NRG3: variants seen among roughly 807,000 people sequenced by gnomAD.
NRG3 encodes neuregulin 3.
In NRG3, 31 loss-of-function variants were observed where a neutral mutation model predicts 66.9. The ratio of observed to expected loss-of-function variants is 0.46; its 90% confidence interval spans 0.35 to 0.63. NRG3 has a LOEUF of 0.63. NRG3 is among the 20% of genes least tolerant of loss of function. The pLI is 0.00. For missense variants in NRG3, 910 were observed against 878.9 expected (o/e 1.04, Z -0.45); for synonymous variants, 393 against 359.4 (o/e 1.09, Z -1.06).
intron 2 of NRG3, among the ~76,000 whole-genome samples, chr10:82,575,895 A>G (rs1387190434): frequency 2.0e-5 from 3 of 151,704 alleles, no homozygotes; most frequent in Non-Finnish European, 3.0e-5. Flanking sequence ...GTGAAGCTTC[A>G]TAAGTGTTTG....
chr10:81,877,491 G>T (rs994023300), intron 1 of NRG3, among the ~76,000 whole-genome samples: 4 of 152,166 alleles, frequency 2.6e-5, no homozygotes, highest in Admixed American at 2.6e-4. Context: ...GGAATACTGG[G>T]TTTGCTTTCA....
chr10:81,878,586 G>A (rs1841894890), intron 1 of NRG3, among the ~76,000 whole-genome samples: 1 of 152,086 alleles, frequency 6.6e-6, no homozygotes, highest in Admixed American at 6.5e-5. Flanking sequence ...TGAATCACTG[G>A]TGTTCATATT....
chr10:82,109,084 A>G (rs2067226897), intron 1 of NRG3, among the ~76,000 whole-genome samples: 1 of 152,138 alleles, frequency 6.6e-6, no homozygotes, highest in African/African-American at 2.4e-5. Context: ...CACAGATGGG[A>G]TTGATGCACA....
intron 4 of NRG3, among the ~76,000 whole-genome samples, chr10:82,927,718 C>T (rs577214836): frequency 6.6e-6 from 1 of 152,274 alleles, no homozygotes; most frequent in Non-Finnish European, 1.5e-5. Context: ...GTATATGTGC[C>T]ACATTTTCTT....
At position 82,236,710 on chromosome 10, in the gene NRG3, C is replaced by CTTTT. The variant is rs370359467; in HGVS notation, c.824-122009_824-122006dup. 1.6e-3 allele frequency among the ~76,000 whole-genome samples: 153 copies of CTTTT among 93,512 alleles called. 2 individuals are homozygous for CTTTT. Among genetic ancestry groups the CTTTT allele is most frequent in the African/African-American group, 2.6e-3 (60 of 23,274 alleles). The allele number at this position is 93,512 out of a possible 152,430, so 61.3% of individuals were successfully genotyped here. A position where few individuals can be genotyped will look rare whatever the true frequency, so the allele number is the denominator to read the frequency against. ...CTCCTTCTCCATATGAAAACTAGAA[C>CTTTT]TTTTTTTTTTTTTTTTTTTTTTTGA... On this transcript the variant is annotated intron_variant, in intron 1 of 8. Coordinates refer to ENST00000372141, the MANE Select transcript of NRG3 (RefSeq NM_001010848.4).
rs1353823067 is a variant in NRG3, at chr10:82,059,516, T to G, written c.823+183353T>G. Among the ~76,000 whole-genome samples the G allele has an allele frequency of 2.7e-5, 4 of 150,722 alleles. No individual in the cohort carries two copies. In the East Asian group the frequency reaches 7.8e-4, roughly 29 times the overall value. ...TGAAAAACGTGATAGAAGGAGGAGC[T>G]GTTTCTAGGAGGGAAATAAATAATT... On this transcript the variant is annotated intron_variant, in intron 1 of 8. Coordinates refer to ENST00000372141, the MANE Select transcript of NRG3 (RefSeq NM_001010848.4).
intron 2 of NRG3, among the ~76,000 whole-genome samples, chr10:82,564,917 A>G (rs2045297140): frequency 6.6e-6 from 1 of 152,128 alleles, no homozygotes; most frequent in Non-Finnish European, 1.5e-5. Flanking sequence ...TAATCTTGAC[A>G]AAAGTATTGC....
intron 1 of NRG3, among the ~76,000 whole-genome samples, chr10:82,345,568 A>C (rs900078718): frequency 6.6e-6 from 1 of 151,430 alleles, no homozygotes; most frequent in Non-Finnish European, 1.5e-5. Flanking sequence ...GTTCCATATG[A>C]ACTTTAAAGT....
chr10:81,888,588 C>T (rs534099987), intron 1 of NRG3, among the ~76,000 whole-genome samples: 2 of 152,100 alleles, frequency 1.3e-5, no homozygotes, highest in East Asian at 3.9e-4. Context: ...GGGAGAATTT[C>T]CTTAGGCAGA....
intron 2 of NRG3, among the ~76,000 whole-genome samples, chr10:82,538,106 C>G (rs2043283453): frequency 6.6e-6 from 1 of 152,144 alleles, no homozygotes; most frequent in South Asian, 2.1e-4. Context: ...AGTGAACAGT[C>G]ATTGAGAGGT....
chr10:82,691,666 A>G (rs1290887508), intron 2 of NRG3, among the ~76,000 whole-genome samples: 1 of 152,222 alleles, frequency 6.6e-6, no homozygotes, highest in East Asian at 1.9e-4. Flanking sequence ...CCTATTTCCA[A>G]ACATAAGAAA....
chr10:82,775,489 A>G (rs1223070487), intron 3 of NRG3, among the ~76,000 whole-genome samples: 1 of 152,022 alleles, frequency 6.6e-6, no homozygotes, highest in Non-Finnish European at 1.5e-5. Context: ...TATGATTTCT[A>G]TCTACTCAAA....
chr10:82,320,742 G>A (rs1270651249), intron 1 of NRG3, among the ~76,000 whole-genome samples: 3 of 152,102 alleles, frequency 2.0e-5, no homozygotes, highest in Non-Finnish European at 4.4e-5. Flanking sequence ...AGAAGAGAGT[G>A]GTTCCCCAGC....
intron 2 of NRG3, among the ~76,000 whole-genome samples, chr10:82,730,949 C>T (rs1255622355): frequency 1.3e-5 from 2 of 152,172 alleles, no homozygotes; most frequent in Non-Finnish European, 2.9e-5. Flanking sequence ...CTGGCTCCTA[C>T]ATTTCCTATC....
chr10:81,960,060 A>G (rs960582169), intron 1 of NRG3, among the ~76,000 whole-genome samples: 2 of 152,022 alleles, frequency 1.3e-5, no homozygotes, highest in South Asian at 2.1e-4. Context: ...TCTTATGCCT[A>G]TATTACCCTC....
chr10:82,932,441 A>C (rs1056020141), intron 4 of NRG3, among the ~76,000 whole-genome samples: 1 of 152,166 alleles, frequency 6.6e-6, no homozygotes, highest in Non-Finnish European at 1.5e-5. Flanking sequence ...GGGCTCTTTA[A>C]TTGAATGTTC....
chr10:82,477,701 C>T (rs1841905525), intron 2 of NRG3, among the ~76,000 whole-genome samples: 1 of 152,044 alleles, frequency 6.6e-6, no homozygotes, highest in Non-Finnish European at 1.5e-5. Context: ...AATTTGGCAA[C>T]ACAGAAATGA....
chr10:82,388,808 G>A (rs1218373854), intron 2 of NRG3, among the ~76,000 whole-genome samples: 1 of 152,172 alleles, frequency 6.6e-6, no homozygotes, highest in African/African-American at 2.4e-5. Flanking sequence ...TTGGGCTTGA[G>A]TGTCTGAGCT....
intron 2 of NRG3, among the ~76,000 whole-genome samples, chr10:82,674,324 A>G (rs1173119423): frequency 2.0e-5 from 3 of 152,074 alleles, no homozygotes; most frequent in South Asian, 2.1e-4. Flanking sequence ...GTATTTTTTC[A>G]TATTGCCTCA....
Sources: allele counts gnomAD v4.1 joint callset (sites outside exome capture counted in the v4.1 genomes callset), GRCh38; gene constraint gnomAD v4.1.1; transcripts MANE v1.5; gene names NCBI Gene and HGNC (gene_info 2026-07-23, HGNC 2026-07-21).